SLC39A11: variants seen among roughly 807,000 people sequenced by gnomAD.
SLC39A11 encodes the protein zinc transporter ZIP11.
Under a neutral mutation model 36.1 loss-of-function variants are expected in SLC39A11, and 33 were observed. The observed-to-expected ratio is 0.91, with a 90% CI of 0.69 to 1.22. The LOEUF (loss-of-function observed/expected upper bound fraction) is 1.22. SLC39A11 is among the 50% of genes most tolerant of loss of function. The pLI, the probability that SLC39A11 is intolerant of heterozygous loss-of-function variation, is 0.00. For synonymous variants in SLC39A11, 166 were observed against 170.3 expected (o/e 0.97, Z 0.20); for missense variants, 432 against 430.3 (o/e 1.00, Z -0.03).
At chr17:73,019,017 T>C (rs999634759) in intron 4 of SLC39A11, among the ~76,000 whole-genome samples, 3 of 152,168 alleles carry the variant, frequency 2.0e-5, no homozygotes, top group African/African-American at 7.2e-5. Flanking sequence ...CCAGAGGACC[T>C]TAGAATCTCA....
At chr17:72,984,390 A>G (rs1037152251) in intron 4 of SLC39A11, among the ~76,000 whole-genome samples, 5 of 152,044 alleles carry the variant, frequency 3.3e-5, no homozygotes, top group African/African-American at 9.7e-5. Flanking sequence ...AAAAAAAAAA[A>G]AAAGAAAGAA....
At chr17:73,049,190 G>T (rs2059416198) in intron 3 of SLC39A11, among the ~76,000 whole-genome samples, 1 of 152,230 alleles carries the variant, frequency 6.6e-6, no homozygotes, top group African/African-American at 2.4e-5. Context: ...GGCAGGATCT[G>T]GCAGAGGATA....
intron 5 of SLC39A11, among the ~76,000 whole-genome samples, chr17:72,874,421 T>G (rs2080792352): frequency 6.6e-6 from 1 of 152,102 alleles, no homozygotes; most frequent in South Asian, 2.1e-4. Flanking sequence ...CATCCTCAGC[T>G]AGGATGGATG....
At chr17:73,047,170 T>G (rs983414342) in intron 3 of SLC39A11, among the ~76,000 whole-genome samples, 2 of 151,642 alleles carry the variant, frequency 1.3e-5, no homozygotes, top group Admixed American at 6.6e-5. Context: ...GACTACAGGC[T>G]CCCGCCACCA....
intron 5 of SLC39A11, among the ~76,000 whole-genome samples, chr17:72,941,138 T>G (rs1420195901): frequency 6.6e-6 from 1 of 151,890 alleles, no homozygotes; most frequent in Non-Finnish European, 1.5e-5. Context: ...CCAGGTGTGG[T>G]GGCGCACTCC....
At chr17:72,791,403 G>C (rs1312235456) in intron 6 of SLC39A11, among the ~76,000 whole-genome samples, 1 of 152,228 alleles carries the variant, frequency 6.6e-6, no homozygotes, top group Non-Finnish European at 1.5e-5. Flanking sequence ...AGTGAGCTGA[G>C]ATAGTGTCAC....
chr17:72,651,737 A>C (rs1402068669), intron 7 of SLC39A11, among the ~76,000 whole-genome samples: 4 of 152,164 alleles, frequency 2.6e-5, no homozygotes, highest in Non-Finnish European at 4.4e-5. Flanking sequence ...CAGTTCCTTA[A>C]TAAAGGAAAT....
At chr17:72,658,088 G>A (rs1380739878) in intron 7 of SLC39A11, among the ~76,000 whole-genome samples, 2 of 152,214 alleles carry the variant, frequency 1.3e-5, no homozygotes, top group Non-Finnish European at 2.9e-5. Flanking sequence ...AACAATTCAG[G>A]CTGCTTAGGA....
At chr17:72,830,914 G>A (rs1186188578) in intron 6 of SLC39A11, among the ~76,000 whole-genome samples, 1 of 152,070 alleles carries the variant, frequency 6.6e-6, no homozygotes, top group African/African-American at 2.4e-5. Context: ...CTCCCAACAG[G>A]AAAGCCCAAC....
chr17:72,927,570 T>A (rs1424338292), intron 5 of SLC39A11, among the ~76,000 whole-genome samples: 2 of 152,310 alleles, frequency 1.3e-5, no homozygotes, highest in East Asian at 3.9e-4. Flanking sequence ...GTATCTCAAA[T>A]ATTTCAGTAG....
chr17:73,024,060 C>G (rs747674861), intron 4 of SLC39A11, among the ~76,000 whole-genome samples: 1 of 152,216 alleles, frequency 6.6e-6, no homozygotes, highest in Non-Finnish European at 1.5e-5. Flanking sequence ...TAGTATTTTG[C>G]TATGGCAGCC....
chr17:72,732,974 G>A (rs1360316664), intron 7 of SLC39A11, among the ~76,000 whole-genome samples: 1 of 152,222 alleles, frequency 6.6e-6, no homozygotes, highest in Non-Finnish European at 1.5e-5. Context: ...CCTGGAGAGA[G>A]GACAAGTTGC....
rs1319320561 is a variant in SLC39A11, at chr17:73,029,772, G to A, written c.306+1784C>T. On this transcript the variant is annotated intron_variant, in intron 4 of 9. Transcript: ENST00000255559. ...AATTTTTGTATTTTTAGTAAAGATG[G>A]GGTTTCTCCACGTTACCCAGGCTGG... Among the ~76,000 whole-genome samples, 3 of 152,030 alleles carry A rather than the reference G, an allele frequency of 2.0e-5. No homozygotes were observed. The East Asian group carries it at 5.8e-4, about 29-fold the overall frequency.
At chr17:73,036,410 C>G (rs78126600) in intron 3 of SLC39A11, among the ~76,000 whole-genome samples, 1 of 151,642 alleles carries the variant, frequency 6.6e-6, no homozygotes, top group Admixed American at 6.6e-5. Flanking sequence ...GGCATTAACA[C>G]CGAAGGGCCA....
intron 6 of SLC39A11, among the ~76,000 whole-genome samples, chr17:72,793,581 TG>T (rs2145112808): frequency 6.6e-6 from 1 of 152,114 alleles, no homozygotes; most frequent in Non-Finnish European, 1.5e-5. Context: ...AAGAGGGAAA[TG>T]CTTCTTTTTT....
At chr17:72,936,556 C>T (rs2084775126) in intron 5 of SLC39A11, among the ~76,000 whole-genome samples, 1 of 151,866 alleles carries the variant, frequency 6.6e-6, no homozygotes, top group Admixed American at 6.6e-5. Context: ...GTGGAAATGA[C>T]CTCTCTCTGG....
chr17:72,802,745 A>G (rs2077131358), intron 6 of SLC39A11, among the ~76,000 whole-genome samples: 1 of 152,180 alleles, frequency 6.6e-6, no homozygotes, highest in Non-Finnish European at 1.5e-5. Flanking sequence ...GCTGGACAGT[A>G]GAGAGCCACT....
intron 5 of SLC39A11, among the ~76,000 whole-genome samples, chr17:72,893,614 T>G (rs1319689521): frequency 6.6e-6 from 1 of 152,154 alleles, no homozygotes; most frequent in East Asian, 1.9e-4. Context: ...TTCCCGAGTC[T>G]GCAGGCCAAA....
intron 6 of SLC39A11, among the ~76,000 whole-genome samples, chr17:72,762,874 G>A (rs182992051): frequency 4.6e-5 from 7 of 152,268 alleles, no homozygotes; most frequent in Admixed American, 4.6e-4. Flanking sequence ...CCATGTCTGT[G>A]CTCATTCATG....
Sources: gnomAD v4.1 joint callset for allele counts (sites outside exome capture counted in the v4.1 genomes callset) on GRCh38, gnomAD v4.1.1 for gene constraint, MANE v1.5 for transcripts, NCBI Gene and HGNC (gene_info 2026-07-23, HGNC 2026-07-21) for gene names.